The following DLGAP2 variants were observed in gnomAD, a reference collection of about 807,000 sequenced individuals.
The protein encoded by DLGAP2 is DLG associated protein 2, also known as disks large-associated protein 2.
In DLGAP2, 26 loss-of-function variants were observed where a neutral mutation model predicts 100.3. The ratio of observed to expected loss-of-function variants is 0.26; its 90% confidence interval spans 0.19 to 0.36. The LOEUF is 0.36. Ranked by LOEUF, DLGAP2 falls within the 10% of genes least tolerant of loss-of-function variation. DLGAP2 has a pLI of 1.00. For synonymous variants in DLGAP2, 886 were observed against 630.1 expected (o/e 1.41, Z -6.08); for missense variants, 1,858 against 1,453.2 (o/e 1.28, Z -4.53).
At chr8:1,460,592 T>C (rs1798445944) in intron 3 of DLGAP2, among the ~76,000 whole-genome samples, 1 of 152,148 alleles carries the variant, frequency 6.6e-6, no homozygotes, top group Non-Finnish European at 1.5e-5. Context: ...TCGTGACAGG[T>C]TTTTCATTGA....
chr8:1,581,321 A>T (rs1228647648), intron 6 of DLGAP2, among the ~76,000 whole-genome samples: 1 of 151,756 alleles, frequency 6.6e-6, no homozygotes. Context: ...ACACAGTCAA[A>T]CTACCAGAAG....
At chr8:1,337,225 G>A (rs199681645) in intron 3 of DLGAP2, among the ~76,000 whole-genome samples, 1 of 151,456 alleles carries the variant, frequency 6.6e-6, no homozygotes, top group Non-Finnish European at 1.5e-5. Flanking sequence ...TGATGAGGAT[G>A]ATGGTGGTGG....
At chr8:1,472,897 C>G (rs937050546) in intron 3 of DLGAP2, among the ~76,000 whole-genome samples, 5 of 152,180 alleles carry the variant, frequency 3.3e-5, no homozygotes, top group Non-Finnish European at 7.3e-5. Flanking sequence ...AAATATTTCC[C>G]TAAAATGAGG....
At chr8:1,677,995 G>A (rs1294056223) in intron 11 of DLGAP2, among the ~76,000 whole-genome samples, 1 of 152,192 alleles carries the variant, frequency 6.6e-6, no homozygotes, top group Admixed American at 6.5e-5. Flanking sequence ...GTGTTATTTA[G>A]GCCTGAGACT....
intron 3 of DLGAP2, among the ~76,000 whole-genome samples, chr8:1,469,663 A>G (rs1021150972): frequency 4.6e-5 from 7 of 152,166 alleles, no homozygotes; most frequent in African/African-American, 1.7e-4. Flanking sequence ...GATGATTCTC[A>G]CGTCAGAAGC....
At chr8:1,565,364 C>G in intron 5 of DLGAP2, 1 of 263,524 alleles carries the variant, frequency 3.8e-6, no homozygotes, top group Non-Finnish European at 7.0e-6. Context: ...CCTCTTATAC[C>G]AGAGGGAAAT....
chr8:1,299,470 G>C (rs1316748036), intron 3 of DLGAP2, among the ~76,000 whole-genome samples: 1 of 152,178 alleles, frequency 6.6e-6, no homozygotes, highest in African/African-American at 2.4e-5. Context: ...ATAATCTTAG[G>C]AATCTTAGGA....
At chr8:1,447,847 C>T (rs1798024438) in intron 3 of DLGAP2, among the ~76,000 whole-genome samples, 1 of 152,180 alleles carries the variant, frequency 6.6e-6, no homozygotes, top group Non-Finnish European at 1.5e-5. Flanking sequence ...TTATCCATTT[C>T]TTCTAGATTT....
rs1353832657 is a variant in DLGAP2, at chr8:1,097,044, C to G, written c.74-161807C>G. 9.8e-3 allele frequency among the ~76,000 whole-genome samples: 1,393 copies of G among 141,602 alleles called. 14 individuals are homozygous for G. The highest frequency in any genetic ancestry group is 0.037 in the African/African-American group (1,326 of 35,900). The allele number at this position is 141,602 out of a possible 152,430, so 92.9% of individuals were successfully genotyped here. ...TGGGAGCCCGGGGCAGGCCTTCACC[C>G]TATGTGGCATGGAGAGGTCCCCTCC... is the stretch of plus-strand genomic sequence containing the variant. On this transcript the variant is annotated intron_variant, in intron 2 of 14. Transcript: ENST00000637795.
In DLGAP2 at chr8:1,707,970, T is replaced by C. The variant is rs373286214; in HGVS notation, c.*6564T>C. The C allele has an allele frequency of 2.0e-5, 3 of 152,772 alleles. No individual in the cohort carries two copies. The East Asian group carries it at 5.8e-4, about 29-fold the overall frequency. The allele number at this position is 152,772 out of a possible 1,614,324, so 9.5% of individuals were successfully genotyped here. ...CAGGATACCTAATCTGAATGTGCAA[T>C]ATGCTATTCATCACCACGACAATTT... On this transcript the variant is annotated 3_prime_UTR_variant, in exon 15 of 15. Coordinates refer to ENST00000637795, the MANE Select transcript of DLGAP2 (RefSeq NM_001346810.2).
chr8:1,197,769 C>T lies in DLGAP2; in HGVS notation c.74-61082C>T, dbSNP rs115980077. 7.6e-3 allele frequency among the ~76,000 whole-genome samples: 1,160 copies of T among 152,350 alleles called. 15 individuals are homozygous for T. Among genetic ancestry groups the T allele is most frequent in the African/African-American group, 0.026 (1,099 of 41,566 alleles). ...CCACGCCAATGTTGAGGGTCTGGGC[C>T]ACCAGATGTCCACATGAACCGCACT... On this transcript the variant is annotated intron_variant, in intron 2 of 14. Transcript: ENST00000637795.
chr8:756,092 T>C (rs1585828894), intron 1 of DLGAP2, among the ~76,000 whole-genome samples: 1 of 152,164 alleles, frequency 6.6e-6, no homozygotes, highest in East Asian at 1.9e-4. Context: ...TTAGCGGCTT[T>C]TTTTGTGCTA....
intron 2 of DLGAP2, among the ~76,000 whole-genome samples, chr8:995,019 G>A (rs1016835363): frequency 1.2e-4 from 18 of 152,174 alleles, no homozygotes; most frequent in African/African-American, 4.3e-4. Context: ...TTCTGGAATA[G>A]ATTCTAATGC....
intron 2 of DLGAP2, among the ~76,000 whole-genome samples, chr8:1,044,147 T>C (rs10095604): frequency 0.22 from 33,999 of 152,052 alleles, 4,105 homozygotes; most frequent in African/African-American, 0.28. Context: ...TTGTAACCCA[T>C]CCCCTTACAG....
rs116545333 is a variant in DLGAP2 at position 1,208,718 on chromosome 8, C to G, written c.74-50133C>G. 5.2e-3 allele frequency among the ~76,000 whole-genome samples: 797 copies of G among 152,130 alleles called. 8 individuals carry two copies. Among genetic ancestry groups the G allele is most frequent in the African/African-American group, 0.018 (762 of 41,494 alleles). ...AGTTCACTGATGATATGATTTTATA[C>G]TTAGAAAACCTAGATCTGATAAATG... On this transcript the variant is annotated intron_variant, in intron 2 of 14. Coordinates refer to ENST00000637795, the MANE Select transcript of DLGAP2 (RefSeq NM_001346810.2).
chr8:923,119 T>A (rs1798748059), intron 2 of DLGAP2, among the ~76,000 whole-genome samples: 1 of 152,168 alleles, frequency 6.6e-6, no homozygotes, highest in Non-Finnish European at 1.5e-5. Context: ...ACGGAACAAG[T>A]TACTAGGTAG....
chr8:967,068 T>C (rs1432213976), intron 2 of DLGAP2, among the ~76,000 whole-genome samples: 1 of 152,254 alleles, frequency 6.6e-6, no homozygotes, highest in Non-Finnish European at 1.5e-5. Flanking sequence ...AATGCTGAAA[T>C]AAACTTCTTT....
At chr8:1,344,444 A>T (rs1258311210) in intron 3 of DLGAP2, among the ~76,000 whole-genome samples, 1 of 152,174 alleles carries the variant, frequency 6.6e-6, no homozygotes, top group East Asian at 1.9e-4. Flanking sequence ...CCATGTGGGT[A>T]AAAGTCGGGA....
In DLGAP2 at chr8:1,668,551, A is replaced by C. The variant is rs775522715; in HGVS notation, c.2033A>C (p.Glu678Ala). 1.3e-6 allele frequency: 2 copies of C among 1,591,508 alleles called. No individual in the cohort carries two copies. Among genetic ancestry groups the C allele is most frequent in the Non-Finnish European group, 1.7e-6 (2 of 1,170,410 alleles). The stretch of plus-strand genomic sequence containing the variant: ...AACAAGGCCATGAACCTCGCGCTGG[A>C]AACGGCCGCTGCCCAGCGCCACCTG... ...DSNKAMNLAL[E>A]TAAAQRHLPE... is the part of the protein sequence containing the mutation. The change falls in exon 9 of 15, where the codon GAA becomes GCA. Residue 678 changes from glutamate to alanine, a missense_variant. Coordinates refer to ENST00000637795, the MANE Select transcript of DLGAP2 (RefSeq NM_001346810.2).
Sources: allele counts gnomAD v4.1 joint callset (sites outside exome capture counted in the v4.1 genomes callset), GRCh38; gene constraint gnomAD v4.1.1; transcripts MANE v1.5; gene names NCBI Gene and HGNC (gene_info 2026-07-23, HGNC 2026-07-21).